LTV1: variants seen among roughly 807,000 people sequenced by gnomAD.
LTV1 encodes the protein LTV1 ribosome biogenesis factor.
Under a neutral mutation model 59.9 loss-of-function variants are expected in LTV1, and 39 were observed. The observed-to-expected ratio is 0.65, with a 90% confidence interval of 0.50 to 0.85. The LOEUF (loss-of-function observed/expected upper bound fraction) is 0.85. LTV1 is among the 40% of genes least tolerant of loss of function. LTV1 has a pLI of 0.00. For missense variants in LTV1, 493 were observed against 549.1 expected (o/e 0.90, Z 1.02); for synonymous variants, 171 against 189.5 (o/e 0.90, Z 0.80).
rs199523396 is a variant in LTV1, at chr6:143,846,107, C to T, written c.192C>T (p.Asp64=). The T allele has an allele frequency of 1.1e-4, 178 of 1,614,142 alleles. 1 individual carries two copies. The East Asian group carries it at 1.8e-3, about 17-fold the overall frequency. Residue 64 remains aspartate, a synonymous_variant, in exon 3 of 11, where the codon GAC becomes GAT. Transcript: ENST00000367576. ...GGAAGTATGGAGTGTTCTTTGATGACGACTATGACTACCTGCAGCACCTGA... is the reference window on the plus strand; with the variant it reads ...GGAAGTATGGAGTGTTCTTTGATGATGACTATGACTACCTGCAGCACCTGA... ...EQRKYGVFFD[D]DYDYLQHLKE...
At chr6:143,856,560 A>G (rs1777080122) in intron 4 of LTV1, among the ~76,000 whole-genome samples, 1 of 152,054 alleles carries the variant, frequency 6.6e-6, no homozygotes, top group Non-Finnish European at 1.5e-5. Context: ...GTTTTTCCTC[A>G]TCTTCTTGGA....
chr6:143,856,305 T>C (rs1223467182), intron 4 of LTV1, among the ~76,000 whole-genome samples: 1 of 152,218 alleles, frequency 6.6e-6, no homozygotes, highest in Non-Finnish European at 1.5e-5. Flanking sequence ...TGTTCTTCTC[T>C]AAACTGGTAA....
chr6:143,863,578 G>T lies in LTV1; in HGVS notation c.*51G>T. The T allele has an allele frequency of 8.3e-7, 1 of 1,209,612 alleles. No individual in the cohort carries two copies. The highest frequency in any genetic ancestry group is 1.2e-6 in the Non-Finnish European group (1 of 858,518). 74.9% of individuals were successfully genotyped at this position (1,209,612 alleles called of 1,614,324 possible). ...CTTTATTAGGGGCTCCTCATCTTTG[G>T]TTATTGACTAGAAACTTCAGAAAGA... On this transcript the variant is annotated 3_prime_UTR_variant, in exon 11 of 11. Coordinates refer to ENST00000367576, the MANE Select transcript of LTV1 (RefSeq NM_032860.5). This position sits in a 1 kb window ranked among gnomAD's most constrained non-coding sequence, Gnocchi z 4.5.
chr6:143,849,840 G>A (rs985440922), intron 3 of LTV1, among the ~76,000 whole-genome samples: 1 of 152,138 alleles, frequency 6.6e-6, no homozygotes, highest in Admixed American at 6.5e-5. Context: ...CCTAACTTCC[G>A]AAGGTTACCG....
chr6:143,860,627 A>G, intron 7 of LTV1, 74 bp downstream of exon 7: 7 of 1,313,690 alleles, frequency 5.3e-6, no homozygotes, highest in Non-Finnish European at 7.1e-6. Flanking sequence ...AAAGGTCTAT[A>G]GTATAACTGA....
At chr6:143,844,672 C>T (rs79708669) in intron 2 of LTV1, 55 bp downstream of exon 2, 6,784 of 1,257,124 alleles carry the variant, frequency 5.4e-3, no homozygotes, top group East Asian at 0.01. Flanking sequence ...TTTTTTTTTT[C>T]TTTTTTTTTT....
chr6:143,846,938 C>T (rs572208707), intron 3 of LTV1, among the ~76,000 whole-genome samples: 2 of 152,202 alleles, frequency 1.3e-5, no homozygotes, highest in Non-Finnish European at 2.9e-5. Context: ...ATAGAAAGGG[C>T]ACCAGTTTAC....
chr6:143,845,343 T>G (rs1345770702), intron 2 of LTV1, among the ~76,000 whole-genome samples: 2 of 151,292 alleles, frequency 1.3e-5, no homozygotes, highest in African/African-American at 4.9e-5. Context: ...TTGTTGTATG[T>G]TGAGAAGGGT....
chr6:143,843,735 G>T (rs1562328069), intron 1 of LTV1, among the ~76,000 whole-genome samples: 1 of 152,172 alleles, frequency 6.6e-6, no homozygotes, highest in African/African-American at 2.4e-5. Flanking sequence ...GGAGCCTGCA[G>T]CCCTGCGTGA....
Position 143,863,173 on chromosome 6 carries a change from A to AT in LTV1, c.1205dup (p.Gln403ThrfsTer4). 3 of 1,614,014 alleles carry AT rather than the reference A, an allele frequency of 1.9e-6. No homozygotes were observed. The highest frequency in any genetic ancestry group is 2.5e-6 in the Non-Finnish European group (3 of 1,179,908). ...ACTCACAGCAAAGCAAACTGAAAGA[A>AT]TACAGATGATTAATGGCAGTGATCT... On this transcript the variant is annotated frameshift_variant, in exon 10 of 11. Coordinates refer to ENST00000367576, the MANE Select transcript of LTV1 (RefSeq NM_032860.5). LOFTEE classifies it high-confidence loss of function. This position sits in a 1 kb window ranked among gnomAD's most constrained non-coding sequence, Gnocchi z 4.5.
chr6:143,854,090 CTT>C lies in LTV1; in HGVS notation c.398-3210_398-3209del, dbSNP rs1192546831. Among the ~76,000 whole-genome samples, 3 of 152,068 alleles carry C rather than the reference CTT, an allele frequency of 2.0e-5. No individual in the cohort carries two copies. The East Asian group carries it at 5.8e-4, about 29-fold the overall frequency. ...TGAATCTGTCTGGTCCTGGGCTTCT[CTT>C]TTGGTTGGTAGGCTATTGCTGCCTC... On this transcript the variant is annotated intron_variant, in intron 4 of 10. Coordinates refer to ENST00000367576, the MANE Select transcript of LTV1 (RefSeq NM_032860.5).
At chr6:143,850,318 A>T (rs950202141) in intron 4 of LTV1, 100 bp downstream of exon 4, 1 of 812,464 alleles carries the variant, frequency 1.2e-6, no homozygotes, top group African/African-American at 1.7e-5. Flanking sequence ...GTATTGAAAC[A>T]ATTGAGATAT....
chr6:143,861,031 T>A (rs969660442), intron 7 of LTV1, among the ~76,000 whole-genome samples: 3 of 151,478 alleles, frequency 2.0e-5, no homozygotes, highest in African/African-American at 4.8e-5. Flanking sequence ...TGAGCAGATG[T>A]GATTACAGGT....
At chr6:143,851,328 T>C (rs1776980505) in intron 4 of LTV1, among the ~76,000 whole-genome samples, 1 of 152,144 alleles carries the variant, frequency 6.6e-6, no homozygotes, top group Non-Finnish European at 1.5e-5. Flanking sequence ...CCTAGTATAT[T>C]TATAGATGGA....
In LTV1 at chr6:143,855,770, C is replaced by T. The variant is rs1777065345; in HGVS notation, c.398-1533C>T. Among the ~76,000 whole-genome samples, 1 of 152,086 alleles carries T rather than the reference C, an allele frequency of 6.6e-6. No homozygotes were observed. Among genetic ancestry groups the T allele is most frequent in the African/African-American group, 2.4e-5 (1 of 41,410 alleles). On this transcript the variant is annotated intron_variant, in intron 4 of 10. Transcript: ENST00000367576. The surrounding 1 kb of genome is among the most constrained non-coding windows in gnomAD (Gnocchi z 4.6). ...TACTTTAAGGATGTTGAGTATTGGC[C>T]CCCACTTTCTTCTGACTTGTACGGT...
At chr6:143,856,924 TGAG>T (rs1303832883) in intron 4 of LTV1, among the ~76,000 whole-genome samples, 3 of 152,186 alleles carry the variant, frequency 2.0e-5, no homozygotes, top group Non-Finnish European at 4.4e-5. Context: ...GGGACCCACT[TGAG>T]GAGGCAGTCT....
Position 143,855,993 on chromosome 6 carries a change from G to C in LTV1, c.398-1310G>C, listed in dbSNP as rs974700695. Among the ~76,000 whole-genome samples, 3 of 152,060 alleles carry C rather than the reference G, an allele frequency of 2.0e-5. No individual in the cohort carries two copies. The highest frequency in any genetic ancestry group is 6.5e-5 in the Admixed American group (1 of 15,286). On this transcript the variant is annotated intron_variant, in intron 4 of 10. Transcript: ENST00000367576. This position sits in a 1 kb window ranked among gnomAD's most constrained non-coding sequence, Gnocchi z 4.6. ...ATGTTGGCCTCTCTTGCTAGGTTGGGTAAGTTCTCCTGGATAATATCCTGA... is the reference window on the plus strand; with the variant it reads ...ATGTTGGCCTCTCTTGCTAGGTTGGCTAAGTTCTCCTGGATAATATCCTGA...
In LTV1 at chr6:143,860,512, A is replaced by G. The variant is rs2092714; in HGVS notation, c.882A>G (p.Leu294=). Residue 294 remains leucine (L), a synonymous_variant, in exon 7 of 11, where the codon TTA becomes TTG. Transcript: ENST00000367576. The part of the protein sequence containing the change: ...EGSIQVDSNR[L]QEVLNDYYKE... ...CTATTCAAGTGGACAGCAATCGCTTACAGGAAGTTTTGAATGACTACTATA... is the reference window on the plus strand; with the variant it reads ...CTATTCAAGTGGACAGCAATCGCTTGCAGGAAGTTTTGAATGACTACTATA... 4,184 of 1,613,746 alleles carry G rather than the reference A, an allele frequency of 2.6e-3. 62 individuals carry two copies. In the African/African-American group the frequency reaches 0.042, roughly 16 times the overall value.
intron 2 of LTV1, 86 bp downstream of exon 2, chr6:143,844,703 G>C (rs1413513212): frequency 7.2e-6 from 10 of 1,396,350 alleles, no homozygotes; most frequent in Non-Finnish European, 6.7e-6. Context: ...TAGAGTCTTA[G>C]CACGTTGCCC....
Sources: gnomAD v4.1 joint callset for allele counts (sites outside exome capture counted in the v4.1 genomes callset) on GRCh38, gnomAD v4.1.1 for gene constraint, Gnocchi (gnomAD v3.1) non-coding constraint, MANE v1.5 for transcripts, NCBI Gene and HGNC (gene_info 2026-07-23, HGNC 2026-07-21) for gene names.